Variants in NRG1 observed in about 807,000 individuals in gnomAD.
NRG1 encodes neuregulin 1.
In NRG1, 18 loss-of-function variants were observed where a neutral mutation model predicts 63.8. The observed-to-expected ratio is 0.28, with a 90% CI of 0.19 to 0.42. NRG1 has a LOEUF of 0.42. Ranked by LOEUF, NRG1 falls within the 10% of genes least tolerant of loss-of-function variation. The pLI, the probability that NRG1 is intolerant of heterozygous loss-of-function variation, is 1.00. For synonymous variants in NRG1, 302 were observed against 301.3 expected (o/e 1.00, Z -0.02); for missense variants, 762 against 814.7 (o/e 0.94, Z 0.79).
intron 1 of NRG1, among the ~76,000 whole-genome samples, chr8:31,689,284 A>G (rs770172396): frequency 6.6e-6 from 1 of 152,222 alleles, no homozygotes; most frequent in Admixed American, 6.5e-5. Flanking sequence ...TCTGAGTACT[A>G]CACTAGGTAA....
At chr8:32,515,924 C>T (rs1829778793) in intron 1 of NRG1, among the ~76,000 whole-genome samples, 1 of 152,120 alleles carries the variant, frequency 6.6e-6, no homozygotes, top group South Asian at 2.1e-4. Context: ...GTAATTAGGT[C>T]CCACTTGTCA....
At chr8:32,293,044 C>T (rs777319588) in intron 1 of NRG1, among the ~76,000 whole-genome samples, 4 of 152,070 alleles carry the variant, frequency 2.6e-5, no homozygotes, top group Non-Finnish European at 5.9e-5. Context: ...GCAGAGTTTG[C>T]AGTGAGCCAA....
intron 1 of NRG1, among the ~76,000 whole-genome samples, chr8:31,939,700 A>G (rs1801459128): frequency 6.6e-6 from 1 of 152,170 alleles, no homozygotes; most frequent in African/African-American, 2.4e-5. Flanking sequence ...AAGGACTCAC[A>G]TCAACTTAAG....
intron 1 of NRG1, among the ~76,000 whole-genome samples, chr8:31,642,999 T>TGTGA (rs1554494576): frequency 6.3e-4 from 91 of 144,730 alleles, no homozygotes; most frequent in African/African-American, 2.2e-3. Context: ...TGTGTGTGTG[T>TGTGA]GAGAGAGAGA....
intron 1 of NRG1, among the ~76,000 whole-genome samples, chr8:32,410,878 ATTTT>A (rs150202882): frequency 4.9e-5 from 7 of 141,874 alleles, no homozygotes; most frequent in African/African-American, 1.8e-4. Flanking sequence ...CACAACCCAC[ATTTT>A]TTTTTTTTTT....
chr8:32,310,687 A>T (rs1856719759), intron 1 of NRG1, among the ~76,000 whole-genome samples: 1 of 152,224 alleles, frequency 6.6e-6, no homozygotes, highest in South Asian at 2.1e-4. Flanking sequence ...GAATAAAAGT[A>T]AATAATAATC....
intron 1 of NRG1, among the ~76,000 whole-genome samples, chr8:32,290,340 AT>A (rs1449403339): frequency 1.3e-5 from 2 of 152,064 alleles, no homozygotes; most frequent in Admixed American, 1.3e-4. Context: ...TATGTATACA[AT>A]TATATATATA....
At position 32,706,004 on chromosome 8, in the gene NRG1, G is replaced by A. The variant is rs549499857; in HGVS notation, c.503-21945G>A. Among the ~76,000 whole-genome samples the A allele has an allele frequency of 7.2e-5, 11 of 152,144 alleles. No individual in the cohort carries two copies. The East Asian group carries it at 2.1e-3, about 29-fold the overall frequency. ...GCCATATTTTAAGACACAGAGGGAG[G>A]GTAGACACCTAGATCTAAAGGATAT... On this transcript the variant is annotated intron_variant, in intron 5 of 11. Coordinates refer to ENST00000356819, the Ensembl canonical transcript of NRG1.
intron 1 of NRG1, among the ~76,000 whole-genome samples, chr8:31,855,288 G>C (rs1827734310): frequency 6.6e-6 from 1 of 152,156 alleles, no homozygotes; most frequent in Non-Finnish European, 1.5e-5. Flanking sequence ...TTATGAATCT[G>C]GGGGCTCCTG....
chr8:31,752,827 G>A (rs576541046), intron 1 of NRG1, among the ~76,000 whole-genome samples: 1 of 152,092 alleles, frequency 6.6e-6, no homozygotes, highest in South Asian at 2.1e-4. Context: ...ATTCTTATGA[G>A]GATAAATGAA....
chr8:31,922,563 C>G (rs562436989), intron 1 of NRG1, among the ~76,000 whole-genome samples: 2 of 152,066 alleles, frequency 1.3e-5, no homozygotes, highest in Admixed American at 6.5e-5. Context: ...AAATTAAGAC[C>G]TCTAGGTTTA....
At chr8:32,022,285 A>G (rs1446769919) in intron 1 of NRG1, among the ~76,000 whole-genome samples, 2 of 152,166 alleles carry the variant, frequency 1.3e-5, no homozygotes, top group African/African-American at 2.4e-5. Context: ...CTAACTCTTC[A>G]TTTAATTCAC....
At chr8:32,506,892 G>A (rs1355306245) in intron 1 of NRG1, among the ~76,000 whole-genome samples, 1 of 151,942 alleles carries the variant, frequency 6.6e-6, no homozygotes, top group African/African-American at 2.4e-5. Context: ...AAAAAAATAA[G>A]ATAAAAAAAG....
rs1047085862 is a variant in NRG1 at position 31,868,147 on chromosome 8, T to TACACACAC, written c.37+228756_37+228763dup. Among the ~76,000 whole-genome samples the TACACACAC allele has an allele frequency of 9.2e-3, 301 of 32,622 alleles. 4 individuals are homozygous for TACACACAC. The highest frequency in any genetic ancestry group is 0.023 in the African/African-American group (277 of 12,072). The allele number at this position is 32,622 out of a possible 152,430, so 21.4% of individuals were successfully genotyped here. ...AACACACACACACACACATACATCT[T>TACACACAC]ACACACACACACACACACACACACA... On this transcript the variant is annotated intron_variant, in intron 1 of 10. Coordinates refer to the NRG1 transcript ENST00000519301.
chr8:32,731,383 C>T (rs2919389), intron 6 of NRG1, among the ~76,000 whole-genome samples: 54,943 of 151,436 alleles, frequency 0.36, 10,507 homozygotes, highest in South Asian at 0.43. Context: ...ATCATTCTTG[C>T]CTTCTAGTTC....
chr8:32,440,181 G>GATA (rs1438707927), intron 1 of NRG1, among the ~76,000 whole-genome samples: 1 of 152,114 alleles, frequency 6.6e-6, no homozygotes, highest in African/African-American at 2.4e-5. Flanking sequence ...TCACTGTCAT[G>GATA]ATAATAGCAA....
chr8:32,058,208 T>A (rs1007825149), intron 1 of NRG1, among the ~76,000 whole-genome samples: 1 of 151,986 alleles, frequency 6.6e-6, no homozygotes, highest in African/African-American at 2.4e-5. Context: ...TCATGAAATT[T>A]TATAGGGAAA....
At chr8:32,217,934 T>C (rs1287864925) in intron 1 of NRG1, among the ~76,000 whole-genome samples, 4 of 152,160 alleles carry the variant, frequency 2.6e-5, no homozygotes, top group Non-Finnish European at 5.9e-5. Context: ...GCATTAATAA[T>C]AGGAGGGCTT....
In NRG1 at chr8:32,727,959, A is replaced by G. The variant is rs547772091; in HGVS notation, c.513A>G (p.Thr171=). 10 of 1,614,046 alleles carry G rather than the reference A, an allele frequency of 6.2e-6. No individual in the cohort carries two copies. In the East Asian group the frequency reaches 1.6e-4, roughly 25 times the overall value. The change falls in exon 6 of 12, where the codon ACA becomes ACG. Residue 171 remains threonine (T), a synonymous_variant. Transcript: ENST00000356819. Reference sequence around the variant, plus strand: ...TTCTCTCCTCTTCAGCTACATCTACATCCACCACTGGGACAAGCCATCTTG... The same window carrying G: ...TTCTCTCCTCTTCAGCTACATCTACGTCCACCACTGGGACAAGCCATCTTG...
Sources: gnomAD v4.1 joint callset for allele counts (sites outside exome capture counted in the v4.1 genomes callset) on GRCh38, gnomAD v4.1.1 for gene constraint, MANE v1.5 for transcripts, NCBI Gene and HGNC (gene_info 2026-07-23, HGNC 2026-07-21) for gene names.